Variants in FHIP2A observed in about 807,000 individuals in gnomAD.
FHIP2A encodes FHF complex subunit HOOK interacting protein 2A.
In FHIP2A, 46 loss-of-function variants were observed where a neutral mutation model predicts 93.5. The observed-to-expected ratio is 0.49, with a 90% CI of 0.39 to 0.63. The LOEUF (loss-of-function observed/expected upper bound fraction) is 0.63. Among genes scored for constraint, FHIP2A ranks in the 20% least tolerant of loss-of-function variants. The probability of loss-of-function intolerance (pLI) is 0.00; values close to 1 mark genes in which losing one functional copy is unlikely to be tolerated. For synonymous variants in FHIP2A, 332 were observed against 326.5 expected, an observed-to-expected ratio of 1.02 and a Z score of -0.18; for missense variants, 769 against 909.7, an observed-to-expected ratio of 0.85 and a Z score of 1.99.
At chr10:114,890,088 C>T (rs1198221064) in intron 16 of FHIP2A, among the ~76,000 whole-genome samples, 1 of 152,078 alleles carries the variant, frequency 6.6e-6, no homozygotes, top group Non-Finnish European at 1.5e-5. Context: ...CGTGCAGTGG[C>T]ATGATCTCAA....
chr10:114,825,963 GCAATGTTTTCTTTT>G (rs1566363494), intron 1 of FHIP2A, among the ~76,000 whole-genome samples: 1 of 152,210 alleles, frequency 6.6e-6, no homozygotes, highest in Non-Finnish European at 1.5e-5. Context: ...GAATGTAAGT[GCAATGTTTTCTTTT>G]CAAATTATAG....
chr10:114,890,321 C>G (rs1410322308), intron 16 of FHIP2A, among the ~76,000 whole-genome samples: 4 of 152,008 alleles, frequency 2.6e-5, no homozygotes, highest in Non-Finnish European at 4.4e-5. Context: ...AGGCACCATG[C>G]CCAGCCTAAC....
intron 16 of FHIP2A, among the ~76,000 whole-genome samples, chr10:114,873,293 T>G (rs1212999580): frequency 6.6e-6 from 1 of 152,214 alleles, no homozygotes; most frequent in African/African-American, 2.4e-5. Flanking sequence ...TCCTCATGAT[T>G]AGACTGGGAT....
At chr10:114,866,030 G>A (rs2083827242), downstream of FHIP2A, among the ~76,000 whole-genome samples, 2 of 151,978 alleles carry the variant, frequency 1.3e-5, no homozygotes, top group South Asian at 2.1e-4. Context: ...TGTTATATAG[G>A]TAAACGTGTG....
intron 13 of FHIP2A, among the ~76,000 whole-genome samples, chr10:114,851,119 G>C (rs1430504769): frequency 6.6e-6 from 1 of 152,122 alleles, no homozygotes; most frequent in Non-Finnish European, 1.5e-5. Context: ...TCACCCTGTT[G>C]CCTAGGCTGA....
In FHIP2A at chr10:114,895,295, A is replaced by G. The variant is rs138311400; in HGVS notation, c.2193-4195A>G. Among the ~76,000 whole-genome samples the G allele has an allele frequency of 6.5e-3, 992 of 152,334 alleles. 10 individuals carry two copies. The highest frequency in any genetic ancestry group is 0.023 in the African/African-American group (955 of 41,574). Reference sequence around the variant, plus strand: ...CTTGAAAGAAATATTTGGCAGAAATAATTGAGATTCAGAGAGTACTGGTCC... The same window carrying G: ...CTTGAAAGAAATATTTGGCAGAAATGATTGAGATTCAGAGAGTACTGGTCC... On this transcript the variant is annotated intron_variant, in intron 16 of 16. Coordinates refer to the FHIP2A transcript ENST00000369250.
chr10:114,839,601 G>A (rs982278650), intron 5 of FHIP2A, among the ~76,000 whole-genome samples: 2 of 152,054 alleles, frequency 1.3e-5, no homozygotes, highest in Admixed American at 6.6e-5. Flanking sequence ...TTTGCCGGCC[G>A]GGCGCGGTGG....
In FHIP2A at chr10:114,879,647, G is replaced by A. The variant is rs140132191; in HGVS notation, c.2192+18313G>A. Among the ~76,000 whole-genome samples the A allele has an allele frequency of 1.6e-3, 242 of 152,242 alleles. 1 individual carries two copies. Among genetic ancestry groups the A allele is most frequent in the African/African-American group, 5.6e-3 (231 of 41,538 alleles). ...TGCCTCATAAGAAGCGGTGGGCATCGTCAACTGGGGGGCTTTGGTTTTGCA... is the reference window on the plus strand; with the variant it reads ...TGCCTCATAAGAAGCGGTGGGCATCATCAACTGGGGGGCTTTGGTTTTGCA... On this transcript the variant is annotated intron_variant, in intron 16 of 16. Transcript: ENST00000369250.
intron 5 of FHIP2A, among the ~76,000 whole-genome samples, chr10:114,842,040 G>A (rs1183887573): frequency 2.0e-5 from 3 of 152,034 alleles, no homozygotes; most frequent in Admixed American, 6.6e-5. Flanking sequence ...AATGTCCCCT[G>A]AGTAGTTTCT....
At chr10:114,890,706 GTATAT>G (rs2083967965) in intron 16 of FHIP2A, among the ~76,000 whole-genome samples, 1 of 145,958 alleles carries the variant, frequency 6.9e-6, no homozygotes, top group Non-Finnish European at 1.5e-5. Flanking sequence ...AATATATACC[GTATAT>G]GACATATATA....
At chr10:114,889,545 A>G (rs1184599151) in intron 16 of FHIP2A, among the ~76,000 whole-genome samples, 2 of 152,070 alleles carry the variant, frequency 1.3e-5, no homozygotes, top group Non-Finnish European at 2.9e-5. Context: ...CCTCTTCCAC[A>G]CTGCTAGTCA....
At chr10:114,846,798 T>C (rs955498175) in intron 11 of FHIP2A, 70 bp downstream of exon 11, 2 of 1,347,068 alleles carry the variant, frequency 1.5e-6, no homozygotes, top group African/African-American at 1.5e-5. Context: ...TCCTCTTATC[T>C]ACCTCCCTTA....
intron 7 of FHIP2A, among the ~76,000 whole-genome samples, chr10:114,844,687 A>ACC (rs1437972962): frequency 6.6e-6 from 1 of 151,930 alleles, no homozygotes; most frequent in African/African-American, 2.4e-5. Context: ...GCAGCTGAGA[A>ACC]CCTCCATCTT....
chr10:114,864,302 A>C lies in FHIP2A; in HGVS notation c.*2762A>C, dbSNP rs1383610871. On this transcript the variant is annotated 3_prime_UTR_variant, in exon 17 of 17. Transcript: ENST00000369248. The stretch of plus-strand genomic sequence containing the variant: ...AATTATGAAGTCCATCAGTATTGAC[A>C]GAAGACGTTACAGTGAAGTGCTAAA... 7 of 985,110 alleles carry C rather than the reference A, an allele frequency of 7.1e-6. No homozygotes were observed. Among genetic ancestry groups the C allele is most frequent in the Admixed American group, 6.2e-5 (1 of 16,256 alleles). 61.0% of individuals were successfully genotyped at this position (985,110 alleles called of 1,614,324 possible).
Position 114,861,674 on chromosome 10 carries a change from T to C in FHIP2A, c.*134T>C, listed in dbSNP as rs1566378358. ...ATTGCTGTAAACTGGACAGAACCAT[T>C]AAGAACCTATTGAGTGGACATTCTT... On this transcript the variant is annotated 3_prime_UTR_variant, in exon 17 of 17. Coordinates refer to ENST00000369248, the MANE Select transcript of FHIP2A (RefSeq NM_020940.4). 13 of 1,437,418 alleles carry C rather than the reference T, an allele frequency of 9.0e-6. No individual in the cohort carries two copies. Among genetic ancestry groups the C allele is most frequent in the Admixed American group, 2.9e-5 (1 of 34,594 alleles). 89.0% of individuals were successfully genotyped at this position (1,437,418 alleles called of 1,614,324 possible).
At chr10:114,876,140 C>G (rs986094415) in intron 16 of FHIP2A, among the ~76,000 whole-genome samples, 1 of 152,188 alleles carries the variant, frequency 6.6e-6, no homozygotes, top group Non-Finnish European at 1.5e-5. Flanking sequence ...CTCTGACTCC[C>G]CCCTGTCTGG....
At chr10:114,871,556 A>G (rs912105723) in intron 16 of FHIP2A, among the ~76,000 whole-genome samples, 6 of 152,064 alleles carry the variant, frequency 3.9e-5, no homozygotes, top group Non-Finnish European at 5.9e-5. Flanking sequence ...TTCCTCACTC[A>G]GCCTTCCAAC....
At chr10:114,824,807 C>T (rs1283152847) in intron 1 of FHIP2A, among the ~76,000 whole-genome samples, 1 of 152,128 alleles carries the variant, frequency 6.6e-6, no homozygotes, top group Non-Finnish European at 1.5e-5. Context: ...TTCATGTGTA[C>T]GTCCAATTAG....
Position 114,842,915 on chromosome 10 carries a change from A to G in FHIP2A, c.523-18A>G. ...AAGTTATTGATGTGAATTTTATAAA[A>G]CATATATTCCTTTTCAGAATAAGAT... On this transcript the variant is annotated intron_variant, in intron 5 of 16. Coordinates refer to ENST00000369248, the MANE Select transcript of FHIP2A (RefSeq NM_020940.4). 6.7e-7 allele frequency: 1 copy of G among 1,499,070 alleles called. No individual in the cohort carries two copies. The highest frequency in any genetic ancestry group is 9.1e-7 in the Non-Finnish European group (1 of 1,102,088). 92.9% of individuals were successfully genotyped at this position (1,499,070 alleles called of 1,614,324 possible).
Sources: allele counts gnomAD v4.1 joint callset (sites outside exome capture counted in the v4.1 genomes callset), GRCh38; gene constraint gnomAD v4.1.1; transcripts MANE v1.5; gene names NCBI Gene and HGNC (gene_info 2026-07-23, HGNC 2026-07-21).